The following TENM3 variants were observed in gnomAD, a reference collection of about 807,000 sequenced individuals.
TENM3 encodes the protein teneurin-3.
A neutral mutation model predicts 255.1 loss-of-function variants in TENM3; 63 were observed. The observed-to-expected ratio is 0.25, with a 90% CI of 0.20 to 0.30. The LOEUF is 0.30. TENM3 is among the 10% of genes least tolerant of loss of function. TENM3 has a pLI of 1.00. For synonymous variants in TENM3, 1,306 were observed against 1,322.3 expected (o/e 0.99, Z 0.27); for missense variants, 2,929 against 3,461.1 (o/e 0.85, Z 3.86).
At chr4:182,411,078 A>G (rs1048836611) in intron 3 of TENM3, among the ~76,000 whole-genome samples, 5 of 152,162 alleles carry the variant, frequency 3.3e-5, no homozygotes, top group East Asian at 1.9e-4. Flanking sequence ...GTGAGTCCCT[A>G]TCGGCTGTAA....
At chr4:182,763,328 G>C (rs1763370526) in intron 22 of TENM3, among the ~76,000 whole-genome samples, 1 of 152,166 alleles carries the variant, frequency 6.6e-6, no homozygotes, top group Non-Finnish European at 1.5e-5. Flanking sequence ...CACTTTGGGA[G>C]GCTGAGGCGG....
At chr4:182,585,534 G>C (rs574331653) in intron 3 of TENM3, among the ~76,000 whole-genome samples, 2 of 151,242 alleles carry the variant, frequency 1.3e-5, no homozygotes, top group Non-Finnish European at 2.9e-5. Context: ...TGTCTGCCTC[G>C]CCTCAGCAAG....
In TENM3 at chr4:182,267,715, T is replaced by TAA. The variant is rs55836214; in HGVS notation, c.-76+24253_-76+24254dup. Among the ~76,000 whole-genome samples the TAA allele has an allele frequency of 3.6e-3, 489 of 135,848 alleles. 2 individuals are homozygous for TAA. The highest frequency in any genetic ancestry group is 0.012 in the African/African-American group (435 of 37,596). 89.1% of individuals were successfully genotyped at this position (135,848 alleles called of 152,430 possible). A position where few individuals can be genotyped will look rare whatever the true frequency, so the allele number is the denominator to read the frequency against. ...GAACAAAGTTCCATCAAAGCCAATT[T>TAA]AAAAAAAAAAAAAAAGCTTATGTGA... is the stretch of plus-strand genomic sequence containing the variant. On this transcript the variant is annotated intron_variant, in intron 1 of 27. Coordinates refer to ENST00000511685, the MANE Select transcript of TENM3 (RefSeq NM_001080477.4).
the TENM3 span, among the ~76,000 whole-genome samples, chr4:182,081,307 T>G: frequency 1.3e-5 from 2 of 152,132 alleles, no homozygotes; most frequent in African/African-American, 4.8e-5. Flanking sequence ...CCAGGTGTGG[T>G]GGCTCACACC....
Position 182,574,975 on chromosome 4 carries a change from T to C in TENM3, c.512-25949T>C, listed in dbSNP as rs1298498534. Among the ~76,000 whole-genome samples, 6 of 152,288 alleles carry C rather than the reference T, an allele frequency of 3.9e-5. No homozygotes were observed. The East Asian group carries it at 5.8e-4, about 15-fold the overall frequency. On this transcript the variant is annotated intron_variant, in intron 3 of 27. Transcript: ENST00000511685. ...AAACTTGAAGCTAATATCAACTTTA[T>C]AAATTTTTGGCTTTATAACCGATTT...
At chr4:181,477,180 G>A in the TENM3 span, among the ~76,000 whole-genome samples, 1 of 151,964 alleles carries the variant, frequency 6.6e-6, no homozygotes, top group Non-Finnish European at 1.5e-5. Context: ...TCCACCACCG[G>A]CTAGTTCTGT....
intron 3 of TENM3, among the ~76,000 whole-genome samples, chr4:182,558,536 G>C (rs570112843): frequency 3.3e-5 from 5 of 152,290 alleles, no homozygotes; most frequent in Non-Finnish European, 2.9e-5. Context: ...AAAAGATACT[G>C]TGTATCAGTG....
At chr4:181,651,588 CA>C in the TENM3 span, among the ~76,000 whole-genome samples, 2,179 of 109,412 alleles carry the variant, frequency 0.02, 24 homozygotes, top group East Asian at 0.056. Context: ...GACTTGGTCT[CA>C]AAAAAAAAAA....
At chr4:182,027,600 G>A in the TENM3 span, among the ~76,000 whole-genome samples, 16 of 150,400 alleles carry the variant, frequency 1.1e-4, no homozygotes, top group African/African-American at 3.2e-4. Flanking sequence ...TATAATACTC[G>A]CTGTGGGTGT....
At chr4:182,712,600 CA>C (rs2152674385) in intron 12 of TENM3, among the ~76,000 whole-genome samples, 2 of 152,286 alleles carry the variant, frequency 1.3e-5, no homozygotes, top group East Asian at 3.9e-4. Context: ...CCATGAGAGA[CA>C]GTCGAAATAG....
At chr4:181,979,984 T>C in the TENM3 span, among the ~76,000 whole-genome samples, 1 of 152,204 alleles carries the variant, frequency 6.6e-6, no homozygotes, top group African/African-American at 2.4e-5. Flanking sequence ...GGATCTCAAC[T>C]GGGCCTAGAA....
At chr4:181,670,806 A>T in the TENM3 span, among the ~76,000 whole-genome samples, 8,399 of 152,294 alleles carry the variant, frequency 0.055, 378 homozygotes, top group African/African-American at 0.12. Context: ...GGGCAAGCAC[A>T]AGATTCATTA....
At chr4:181,741,677 G>C in the TENM3 span, among the ~76,000 whole-genome samples, 1 of 152,170 alleles carries the variant, frequency 6.6e-6, no homozygotes, top group African/African-American at 2.4e-5. Context: ...GTGCCTGACA[G>C]AGGCCATCAT....
the TENM3 span, among the ~76,000 whole-genome samples, chr4:182,024,849 G>A: frequency 4.6e-5 from 7 of 151,630 alleles, no homozygotes; most frequent in African/African-American, 7.3e-5. Flanking sequence ...CCCTCCCAGC[G>A]TCTGGTAACC....
intron 1 of TENM3, among the ~76,000 whole-genome samples, chr4:182,315,110 CAT>C (rs1395804977): frequency 6.6e-6 from 1 of 152,166 alleles, no homozygotes; most frequent in African/African-American, 2.4e-5. Flanking sequence ...TTTACTTACA[CAT>C]GTTATAAATG....
intron 1 of TENM3, among the ~76,000 whole-genome samples, chr4:182,260,056 A>G (rs1758680770): frequency 6.6e-6 from 1 of 152,152 alleles, no homozygotes; most frequent in African/African-American, 2.4e-5. Context: ...TGTTGCTGCA[A>G]ATGACCGGAT....
At chr4:181,718,687 G>A in the TENM3 span, among the ~76,000 whole-genome samples, 1 of 152,082 alleles carries the variant, frequency 6.6e-6, no homozygotes. Flanking sequence ...GGTCAGCCTC[G>A]CATCTGTAAT....
chr4:182,448,426 C>T (rs939963615), intron 3 of TENM3, among the ~76,000 whole-genome samples: 4 of 152,158 alleles, frequency 2.6e-5, no homozygotes, highest in African/African-American at 9.6e-5. Context: ...GCAGCGCGTC[C>T]CGCGAGCTGG....
At chr4:182,297,111 A>C (rs1761543461) in intron 1 of TENM3, among the ~76,000 whole-genome samples, 2 of 152,208 alleles carry the variant, frequency 1.3e-5, no homozygotes, top group Admixed American at 1.3e-4. Context: ...TAAGTAAAAT[A>C]GTTTATGGAG....
Sources: allele counts gnomAD v4.1 joint callset (sites outside exome capture counted in the v4.1 genomes callset), GRCh38; gene constraint gnomAD v4.1.1; transcripts MANE v1.5; gene names NCBI Gene and HGNC (gene_info 2026-07-23, HGNC 2026-07-21).